The following LRRC69 variants were observed in gnomAD, a reference collection of about 807,000 sequenced individuals.
The protein encoded by LRRC69 is leucine-rich repeat-containing protein 69.
In LRRC69, 42 loss-of-function variants were observed where a neutral mutation model predicts 37.8. The ratio of observed to expected loss-of-function variants is 1.11; its 90% CI spans 0.87 to 1.44. The LOEUF is 1.44. Ranked by LOEUF, LRRC69 falls within the 40% of genes most tolerant of loss-of-function variation. The pLI is 0.00. For missense variants in LRRC69, 357 were observed against 401.9 expected (o/e 0.89, Z 0.96); for synonymous variants, 141 against 143.1 (o/e 0.99, Z 0.11).
At chr8:91,153,801 G>T (rs1310405945) in intron 5 of LRRC69, among the ~76,000 whole-genome samples, 1 of 151,838 alleles carries the variant, frequency 6.6e-6, no homozygotes, top group African/African-American at 2.4e-5. Flanking sequence ...ACAACTAAAA[G>T]AACTAGAGAA....
chr8:91,192,113 G>A (rs1205345874), intron 6 of LRRC69, among the ~76,000 whole-genome samples: 3 of 150,420 alleles, frequency 2.0e-5, no homozygotes, highest in Admixed American at 6.7e-5. Context: ...TTTTGTTCTT[G>A]CGATAGTTTA....
At chr8:91,124,459 T>C in intron 1 of LRRC69, 34 bp from the exon 2 acceptor site, 1 of 1,476,518 alleles carries the variant, frequency 6.8e-7, no homozygotes, top group South Asian at 1.4e-5. Context: ...AGTTGGATGA[T>C]ATATGAGTCC....
chr8:91,203,899 C>T (rs1247323496), intron 7 of LRRC69, among the ~76,000 whole-genome samples: 1 of 151,240 alleles, frequency 6.6e-6, no homozygotes, highest in African/African-American at 2.4e-5. Context: ...GCGGGCAGAT[C>T]ACGAGGTCAG....
At chr8:91,171,611 A>G (rs1053729713) in intron 5 of LRRC69, among the ~76,000 whole-genome samples, 4 of 152,058 alleles carry the variant, frequency 2.6e-5, no homozygotes, top group South Asian at 4.1e-4. Flanking sequence ...CCCTGGGAAG[A>G]TCATATCCAC....
intron 3 of LRRC69, 111 bp downstream of exon 3, chr8:91,127,271 A>G (rs1008966161): frequency 2.4e-5 from 18 of 745,478 alleles, no homozygotes; most frequent in Middle Eastern, 2.4e-4. Flanking sequence ...ATTTATACAT[A>G]GCAAAGAGGG....
At chr8:91,140,061 A>C (rs1472400034) in intron 5 of LRRC69, among the ~76,000 whole-genome samples, 1 of 143,740 alleles carries the variant, frequency 7.0e-6, no homozygotes, top group Admixed American at 7.2e-5. Context: ...ATTGCACTCC[A>C]GCTTCGGCAG....
chr8:91,147,589 G>T (rs146588216), intron 5 of LRRC69, among the ~76,000 whole-genome samples: 74 of 151,600 alleles, frequency 4.9e-4, no homozygotes, highest in African/African-American at 1.7e-3. Flanking sequence ...TATTTAATTT[G>T]TTCTACTTGT....
At chr8:91,215,355 A>G (rs1810025022) in intron 7 of LRRC69, among the ~76,000 whole-genome samples, 1 of 152,186 alleles carries the variant, frequency 6.6e-6, no homozygotes, top group Non-Finnish European at 1.5e-5. Context: ...CCATATAAAT[A>G]TATATTGCAA....
intron 6 of LRRC69, among the ~76,000 whole-genome samples, chr8:91,191,927 G>A (rs1809502985): frequency 6.6e-6 from 1 of 151,614 alleles, no homozygotes; most frequent in Admixed American, 6.6e-5. Context: ...CATGTGCCAT[G>A]CTGGTGCGCT....
At chr8:91,188,511 T>C (rs1809440028) in intron 5 of LRRC69, among the ~76,000 whole-genome samples, 1 of 152,178 alleles carries the variant, frequency 6.6e-6, no homozygotes, top group African/African-American at 2.4e-5. Context: ...TCACTGCAAA[T>C]TGAGGCTTTT....
At chr8:91,217,385 C>G (rs1389703731) in intron 7 of LRRC69, among the ~76,000 whole-genome samples, 1 of 152,154 alleles carries the variant, frequency 6.6e-6, no homozygotes, top group Non-Finnish European at 1.5e-5. Context: ...TATTTATTAT[C>G]TCTGCATTCC....
At chr8:91,171,143 CAG>C (rs1288514375) in intron 5 of LRRC69, among the ~76,000 whole-genome samples, 6 of 151,980 alleles carry the variant, frequency 3.9e-5, no homozygotes, top group Middle Eastern at 3.4e-3. Context: ...GTAACAAAAA[CAG>C]AATGTATGAA....
chr8:91,153,790 C>A (rs1054727632), intron 5 of LRRC69, among the ~76,000 whole-genome samples: 1 of 151,796 alleles, frequency 6.6e-6, no homozygotes, highest in Non-Finnish European at 1.5e-5. Context: ...ACCCTAACAT[C>A]ACAACTAAAA....
intron 1 of LRRC69, among the ~76,000 whole-genome samples, chr8:91,117,583 T>TTTC (rs1491454483): frequency 2.9e-5 from 3 of 101,832 alleles, no homozygotes; most frequent in Non-Finnish European, 7.2e-5. Context: ...TTTTTTTTTT[T>TTTC]ACAGGGATAA....
chr8:91,150,630 C>T (rs572338225), intron 5 of LRRC69, among the ~76,000 whole-genome samples: 7,937 of 151,980 alleles, frequency 0.052, 302 homozygotes, highest in Middle Eastern at 0.16. Context: ...CTCTCTTTTT[C>T]TACTGATTGG....
chr8:91,206,231 A>G (rs1260638342), intron 7 of LRRC69, among the ~76,000 whole-genome samples: 1 of 152,200 alleles, frequency 6.6e-6, no homozygotes, highest in Non-Finnish European at 1.5e-5. Context: ...AAAATCTGGC[A>G]AAGGTGCTGC....
intron 5 of LRRC69, among the ~76,000 whole-genome samples, chr8:91,154,011 C>T (rs1457625586): frequency 2.0e-5 from 3 of 151,552 alleles, no homozygotes; most frequent in Non-Finnish European, 4.4e-5. Flanking sequence ...CAAATAGGCT[C>T]AATGAAAACT....
chr8:91,158,202 G>A (rs1808870752), intron 5 of LRRC69: 1 of 1,603,076 alleles, frequency 6.2e-7, no homozygotes, highest in African/African-American at 1.3e-5. Flanking sequence ...TGTATTCCAT[G>A]GGCTTACTAT....
At chr8:91,151,010 A>G (rs1438730765) in intron 5 of LRRC69, among the ~76,000 whole-genome samples, 1 of 151,400 alleles carries the variant, frequency 6.6e-6, no homozygotes, top group Non-Finnish European at 1.5e-5. Context: ...TGGTCTATCA[A>G]TTTTGTTGAT....
Sources: gnomAD v4.1 joint callset for allele counts (sites outside exome capture counted in the v4.1 genomes callset) on GRCh38, gnomAD v4.1.1 for gene constraint, MANE v1.5 for transcripts, NCBI Gene and HGNC (gene_info 2026-07-23, HGNC 2026-07-21) for gene names.